The following SLC23A2 variants were observed in gnomAD, a reference collection of about 807,000 sequenced individuals.
The protein encoded by SLC23A2 is Na(+)/L-ascorbic acid transporter 2.
A neutral mutation model predicts 73.3 loss-of-function variants in SLC23A2; 36 were observed. That is an observed-to-expected ratio of 0.49 (90% CI 0.38 to 0.65). The LOEUF (loss-of-function observed/expected upper bound fraction) is 0.65. Among genes scored for constraint, SLC23A2 ranks in the 30% least tolerant of loss-of-function variants. The probability of loss-of-function intolerance (pLI) is 0.00; values close to 1 mark genes in which losing one functional copy is unlikely to be tolerated. For synonymous variants in SLC23A2, 343 were observed against 327.3 expected (o/e 1.05, Z -0.52); for missense variants, 507 against 841.6 (o/e 0.60, Z 4.92).
intron 2 of SLC23A2, among the ~76,000 whole-genome samples, chr20:4,951,155 A>C (rs1276519244): frequency 3.3e-5 from 5 of 152,228 alleles, no homozygotes; most frequent in African/African-American, 4.8e-5. Context: ...AGCCAAAAGA[A>C]AATTTAAAAC....
chr20:4,869,947 C>A lies in SLC23A2; in HGVS notation c.1209G>T (p.Arg403=). The A allele has an allele frequency of 6.2e-7, 1 of 1,613,732 alleles. No individual in the cohort carries two copies. Among genetic ancestry groups the A allele is most frequent in the South Asian group, 1.1e-5 (1 of 91,058 alleles). The change falls in exon 12 of 17, where the codon CGG becomes CGT. Residue 403 remains arginine, a synonymous_variant. Transcript: ENST00000338244. ...ESIGDYYACA[R]LSCAPPPPIH... is the part of the protein sequence containing the mutation. ...TGGGGGGGGGTGGGGCACAGGACAG[C>A]CGTGCACAGGCGTAGTAGTCACCAA...
In SLC23A2 at chr20:4,859,038, C is replaced by T. The variant is rs189281611; in HGVS notation, c.1720+251G>A. 4.6e-5 allele frequency among the ~76,000 whole-genome samples: 7 copies of T among 152,290 alleles called. No homozygotes were observed. The East Asian group carries it at 7.7e-4, about 17-fold the overall frequency. On this transcript the variant is annotated intron_variant, in intron 16 of 16. Coordinates refer to ENST00000338244, the MANE Select transcript of SLC23A2 (RefSeq NM_005116.6). ...CATCCCACTGCCATCTCACCAAACG[C>T]AGCGAACTCAGCTGCTGTCTCCCAA...
At position 4,980,407 on chromosome 20, in the gene SLC23A2, C is replaced by T. The variant is rs1217069819; in HGVS notation, c.-281-9488G>A. 3.1e-4 allele frequency among the ~76,000 whole-genome samples: 47 copies of T among 152,004 alleles called. 1 individual carries two copies. The highest frequency in any genetic ancestry group is 3.1e-3 in the Admixed American group (47 of 15,236). On this transcript the variant is annotated intron_variant, in intron 1 of 16. Coordinates refer to ENST00000338244, the MANE Select transcript of SLC23A2 (RefSeq NM_005116.6). ...GCACAAATGAGCTACAAATAAAGGACTATTTAGTCACATATCTAAGATACA... is the reference window on the plus strand; with the variant it reads ...GCACAAATGAGCTACAAATAAAGGATTATTTAGTCACATATCTAAGATACA...
chr20:4,930,823 A>C (rs1192437994), intron 3 of SLC23A2, among the ~76,000 whole-genome samples: 2 of 152,030 alleles, frequency 1.3e-5, no homozygotes, highest in Non-Finnish European at 2.9e-5. Context: ...TCTCAAAAAA[A>C]AAAGATGCCA....
rs766866986 is a variant in SLC23A2 at position 4,861,928 on chromosome 20, T to G, written c.1624+20A>C. The G allele has an allele frequency of 3.1e-6, 5 of 1,612,886 alleles. No individual in the cohort carries two copies. In the South Asian group the frequency reaches 3.3e-5, roughly 11 times the overall value. ...TGTGGTTCCAGCTCCCACTCCAAGA[T>G]GTAAAGCCCATTTCCTCACCTGTGA... On this transcript the variant is annotated intron_variant, in intron 15 of 16. Transcript: ENST00000338244.
intron 3 of SLC23A2, among the ~76,000 whole-genome samples, chr20:4,924,788 C>T (rs1932615111): frequency 6.6e-6 from 1 of 152,264 alleles, no homozygotes. Context: ...GAATTTTCAG[C>T]ATCCATACCT....
chr20:4,993,176 A>G (rs972861687), intron 1 of SLC23A2, among the ~76,000 whole-genome samples: 1 of 151,716 alleles, frequency 6.6e-6, no homozygotes, highest in African/African-American at 2.4e-5. Flanking sequence ...CCCAGCTCCT[A>G]GGGAGGCTGA....
chr20:4,922,682 G>C (rs577337981), intron 3 of SLC23A2, among the ~76,000 whole-genome samples: 1 of 152,188 alleles, frequency 6.6e-6, no homozygotes, highest in South Asian at 2.1e-4. Flanking sequence ...ACGAAAATTA[G>C]CTGGGCATGG....
chr20:4,989,769 C>T (rs2087896025), intron 1 of SLC23A2, among the ~76,000 whole-genome samples: 1 of 152,092 alleles, frequency 6.6e-6, no homozygotes, highest in Non-Finnish European at 1.5e-5. Context: ...CCTGTCAGTG[C>T]TCAAAAGTTT....
intron 2 of SLC23A2, among the ~76,000 whole-genome samples, chr20:4,941,376 A>C (rs1190177720): frequency 6.6e-6 from 1 of 152,016 alleles, no homozygotes; most frequent in Non-Finnish European, 1.5e-5. Context: ...AAAAAATGAA[A>C]TTTTTTTAAA....
rs574379772 is a variant in SLC23A2, at chr20:4,868,072, ATTTTTTT to A, written c.1251-204_1251-198del. On this transcript the variant is annotated intron_variant, in intron 12 of 16. Transcript: ENST00000338244. This position sits in a 1 kb window ranked among gnomAD's most constrained non-coding sequence, Gnocchi z 4.4. ...CCTGCTGAAGCAGAAAAGAATCTGC[ATTTTTTT>A]TTTTTTTTTTTTTTTTTTTAGAGAG... is the stretch of plus-strand genomic sequence containing the variant. Among the ~76,000 whole-genome samples the A allele has an allele frequency of 3.2e-5, 3 of 94,418 alleles. No homozygotes were observed. The highest frequency in any genetic ancestry group is 5.9e-5 in the Non-Finnish European group (3 of 50,618). 61.9% of individuals were successfully genotyped at this position (94,418 alleles called of 152,430 possible).
rs948051552 is a variant in SLC23A2 at position 4,899,055 on chromosome 20, G to C, written c.482+500C>G. 1.3e-5 allele frequency among the ~76,000 whole-genome samples: 2 copies of C among 152,186 alleles called. No homozygotes were observed. Among genetic ancestry groups the C allele is most frequent in the Admixed American group, 6.5e-5 (1 of 15,282 alleles). ...TGGCTGGAGATGGAAGTGGGGCAGA[G>C]AGCAAGGGCAAGCCTAAATGCTGGG... On this transcript the variant is annotated intron_variant, in intron 6 of 16. Transcript: ENST00000338244. The surrounding 1 kb of genome is among the most constrained non-coding windows in gnomAD (Gnocchi z 4.9).
intron 1 of SLC23A2, among the ~76,000 whole-genome samples, chr20:4,984,965 T>C (rs1267346384): frequency 1.3e-5 from 2 of 152,058 alleles, no homozygotes. Context: ...GGTGAAACCC[T>C]GTCCCTACTA....
intron 4 of SLC23A2, among the ~76,000 whole-genome samples, chr20:4,904,893 C>G (rs951507040): frequency 4.6e-5 from 7 of 152,150 alleles, no homozygotes; most frequent in African/African-American, 1.7e-4. Context: ...GCAGGTAGAT[C>G]ACCTGAGGTC....
intron 11 of SLC23A2, among the ~76,000 whole-genome samples, chr20:4,873,697 C>T (rs1930541010): frequency 1.3e-5 from 2 of 152,174 alleles, no homozygotes; most frequent in South Asian, 4.1e-4. Flanking sequence ...GGATTTCATC[C>T]TAGCAGATCC....
intron 2 of SLC23A2, among the ~76,000 whole-genome samples, chr20:4,953,082 C>A (rs146852442): frequency 6.6e-6 from 1 of 151,432 alleles, no homozygotes; most frequent in African/African-American, 2.4e-5. Context: ...CCGAGGCAGG[C>A]GGATCACAAG....
chr20:4,864,034 C>T (rs1163333335), intron 13 of SLC23A2, among the ~76,000 whole-genome samples: 6 of 152,132 alleles, frequency 3.9e-5, no homozygotes, highest in Non-Finnish European at 7.3e-5. Flanking sequence ...CGGCACCACA[C>T]GTGAGAGGTG....
At chr20:4,930,354 T>G (rs1932775816) in intron 3 of SLC23A2, among the ~76,000 whole-genome samples, 1 of 152,240 alleles carries the variant, frequency 6.6e-6, no homozygotes, top group African/African-American at 2.4e-5. Flanking sequence ...TGTGTCAACC[T>G]TAAGCTTTCA....
chr20:4,954,710 A>G (rs1048253219), intron 2 of SLC23A2, among the ~76,000 whole-genome samples: 4 of 151,580 alleles, frequency 2.6e-5, no homozygotes, highest in African/African-American at 9.7e-5. Flanking sequence ...AAAAAAAAAA[A>G]AAAAAAGAAA....
Sources: allele counts gnomAD v4.1 joint callset (sites outside exome capture counted in the v4.1 genomes callset), GRCh38; gene constraint gnomAD v4.1.1; non-coding constraint Gnocchi (gnomAD v3.1); transcripts MANE v1.5; gene names NCBI Gene and HGNC (gene_info 2026-07-23, HGNC 2026-07-21).